Variants in MLIP observed in about 807,000 individuals in gnomAD.
MLIP encodes muscular LMNA-interacting protein.
A neutral mutation model predicts 84.8 loss-of-function variants in MLIP; 79 were observed. That is an observed-to-expected ratio of 0.93 (90% CI 0.78 to 1.12). The LOEUF is 1.12. Ranked by LOEUF, MLIP falls within the 50% of genes most tolerant of loss-of-function variation. The pLI is 0.00. For missense variants in MLIP, 1,257 were observed against 1,160.6 expected, an observed-to-expected ratio of 1.08 and a Z score of -1.21; for synonymous variants, 504 against 463.0, an observed-to-expected ratio of 1.09 and a Z score of -1.14.
At chr6:54,257,950 T>C (rs748300185) in intron 13 of MLIP, among the ~76,000 whole-genome samples, 9 of 152,094 alleles carry the variant, frequency 5.9e-5, no homozygotes, top group Non-Finnish European at 1.2e-4. Flanking sequence ...ACTTTCTTTT[T>C]TTAAAAAAAT....
chr6:54,180,108 T>A (rs1776705844), intron 9 of MLIP, among the ~76,000 whole-genome samples: 1 of 152,186 alleles, frequency 6.6e-6, no homozygotes, highest in South Asian at 2.1e-4. Context: ...GTTGTTTGTT[T>A]GTTTTTCCTT....
intron 12 of MLIP, among the ~76,000 whole-genome samples, chr6:54,246,331 G>A (rs1433609672): frequency 6.6e-6 from 1 of 152,040 alleles, no homozygotes; most frequent in African/African-American, 2.4e-5. Flanking sequence ...AGGAATATAT[G>A]TTTATGATAG....
intron 13 of MLIP, among the ~76,000 whole-genome samples, chr6:54,260,210 C>T (rs1783290555): frequency 6.6e-6 from 1 of 151,750 alleles, no homozygotes. Flanking sequence ...TTAGATATAT[C>T]AGATTTGACT....
intron 1 of MLIP, among the ~76,000 whole-genome samples, chr6:54,115,558 G>T (rs1433025664): frequency 6.6e-6 from 1 of 151,974 alleles, no homozygotes; most frequent in African/African-American, 2.4e-5. Flanking sequence ...AAGAATAGAG[G>T]TCAAGGAAAT....
At chr6:54,206,864 A>T (rs2150728925) in intron 11 of MLIP, among the ~76,000 whole-genome samples, 1 of 152,306 alleles carries the variant, frequency 6.6e-6, no homozygotes, top group African/African-American at 2.4e-5. Flanking sequence ...CTCTCTGAAA[A>T]ACTCTGGCTT....
In MLIP at chr6:54,137,905, T is replaced by C. The variant is rs1024502088; in HGVS notation, c.1836T>C (p.His612=). The C allele has an allele frequency of 4.6e-6, 7 of 1,535,984 alleles. No individual in the cohort carries two copies. The South Asian group carries it at 7.1e-5, about 16-fold the overall frequency. The part of the protein sequence containing the change: ...ATFSSSEKCF[H]PSPALSSLIN... The stretch of plus-strand genomic sequence containing the variant: ...TCTCTTCTTCAGAGAAATGTTTCCA[T>C]CCTTCCCCAGCTCTTTCAAGCCTGA... The change falls in exon 4 of 14, where the codon CAT becomes CAC. Residue 612 remains histidine, a synonymous_variant. Transcript: ENST00000502396.
intron 8 of MLIP, among the ~76,000 whole-genome samples, chr6:54,162,421 T>C (rs1774740778): frequency 6.6e-6 from 1 of 152,024 alleles, no homozygotes; most frequent in East Asian, 1.9e-4. Context: ...GCACTGTGAT[T>C]TAAACCCTTA....
At chr6:54,060,414 C>T (rs1318689866) in intron 1 of MLIP, among the ~76,000 whole-genome samples, 1 of 152,106 alleles carries the variant, frequency 6.6e-6, no homozygotes, top group Non-Finnish European at 1.5e-5. Flanking sequence ...CTGTTACAAC[C>T]AGCATTCCTA....
chr6:54,182,650 T>A (rs1313119854), intron 9 of MLIP, among the ~76,000 whole-genome samples: 1 of 152,208 alleles, frequency 6.6e-6, no homozygotes, highest in Admixed American at 6.5e-5. Context: ...CTATTTTCAT[T>A]CTATGAACTT....
intron 3 of MLIP, among the ~76,000 whole-genome samples, chr6:54,126,988 T>C (rs1770974105): frequency 6.6e-6 from 1 of 152,068 alleles, no homozygotes; most frequent in African/African-American, 2.4e-5. Context: ...ACCTCTCTTC[T>C]TCAGCTCTCC....
At position 54,213,940 on chromosome 6, in the gene MLIP, G is replaced by T. The variant is rs142715021; in HGVS notation, c.2718+11707G>T. On this transcript the variant is annotated intron_variant, in intron 11 of 13. Coordinates refer to ENST00000502396, the MANE Select transcript of MLIP (RefSeq NM_001281747.2). ...ATTCTGTTTTCCTAACAAAGATATG[G>T]TACTTTGACTACCTGACTGCCATAG... Among the ~76,000 whole-genome samples the T allele has an allele frequency of 8.5e-3, 1,290 of 151,978 alleles. 24 individuals are homozygous for T. The highest frequency in any genetic ancestry group is 0.028 in the African/African-American group (1,162 of 41,436).
chr6:54,043,403 G>C (rs1338187504), intron 1 of MLIP: 1 of 152,178 alleles, frequency 6.6e-6, no homozygotes, highest in Non-Finnish European at 1.5e-5. Flanking sequence ...GATCCATCTT[G>C]AAAGGCTGAC....
At position 54,169,513 on chromosome 6, in the gene MLIP, T is replaced by C; in HGVS notation, c.2500-15T>C. ...TTATTATTTCAGATGTATAATTGTT[T>C]TTATTTTCATACAGACTCCTACAAC... is the stretch of plus-strand genomic sequence containing the variant. On this transcript the variant is annotated splice_polypyrimidine_tract_variant and intron_variant, in intron 8 of 13. Coordinates refer to ENST00000502396, the MANE Select transcript of MLIP (RefSeq NM_001281747.2). 1 of 1,562,726 alleles carries C rather than the reference T, an allele frequency of 6.4e-7. No individual in the cohort carries two copies. The highest frequency in any genetic ancestry group is 2.0e-5 in the Admixed American group (1 of 51,046).
At chr6:54,163,008 C>A (rs527617610) in intron 8 of MLIP, among the ~76,000 whole-genome samples, 1 of 151,812 alleles carries the variant, frequency 6.6e-6, no homozygotes, top group Non-Finnish European at 1.5e-5. Flanking sequence ...GTGTTGATTG[C>A]GGCCAAGGGT....
upstream of MLIP, among the ~76,000 whole-genome samples, chr6:54,108,115 T>A (rs1769152756): frequency 6.6e-6 from 1 of 152,174 alleles, no homozygotes; most frequent in Admixed American, 6.5e-5. Flanking sequence ...GCTTCAGCTA[T>A]CATCAATAAT....
intron 9 of MLIP, among the ~76,000 whole-genome samples, chr6:54,181,879 A>G (rs1443876194): frequency 6.6e-6 from 1 of 152,228 alleles, no homozygotes; most frequent in African/African-American, 2.4e-5. Context: ...GCTGATCTCC[A>G]GGATGTAAGA....
rs1771144358 is a variant in MLIP at position 54,128,839 on chromosome 6, A to G, written c.645+3974A>G. Reference sequence around the variant, plus strand: ...TTGTGAAGATTAAATGAGATAATACATGTAAAGTGCCTAGAATAGTGCCTG... The same window carrying G: ...TTGTGAAGATTAAATGAGATAATACGTGTAAAGTGCCTAGAATAGTGCCTG... On this transcript the variant is annotated intron_variant, in intron 3 of 13. Coordinates refer to ENST00000502396, the MANE Select transcript of MLIP (RefSeq NM_001281747.2). Among the ~76,000 whole-genome samples the G allele has an allele frequency of 1.3e-5, 2 of 152,160 alleles. 1 individual carries two copies. Among genetic ancestry groups the G allele is most frequent in the African/African-American group, 4.8e-5 (2 of 41,434 alleles).
intron 1 of MLIP, among the ~76,000 whole-genome samples, chr6:54,030,274 A>G (rs1418886062): frequency 6.6e-6 from 1 of 152,242 alleles, no homozygotes; most frequent in Non-Finnish European, 1.5e-5. Context: ...ATCTCAGTGG[A>G]GAATAATTAT....
chr6:54,217,106 A>G, intron 11 of MLIP: 1 of 985,466 alleles, frequency 1.0e-6, no homozygotes. Flanking sequence ...GGAAGATGGA[A>G]GACAGGATGG....
Sources: allele counts gnomAD v4.1 joint callset (sites outside exome capture counted in the v4.1 genomes callset), GRCh38; gene constraint gnomAD v4.1.1; transcripts MANE v1.5; gene names NCBI Gene and HGNC (gene_info 2026-07-23, HGNC 2026-07-21).